The following BRCA2 variants were observed in gnomAD, a reference collection of about 807,000 sequenced individuals.
BRCA2 encodes breast cancer type 2 susceptibility protein.
BRCA2 carries 203 observed loss-of-function variants against 276.7 expected under a neutral mutation model. The observed-to-expected ratio is 0.73, with a 90% confidence interval of 0.65 to 0.82. The LOEUF (loss-of-function observed/expected upper bound fraction) is 0.82, where lower values mean the gene tolerates loss of function less well. BRCA2 is among the 40% of genes least tolerant of loss of function. The pLI is 0.00. For missense variants in BRCA2, 3,920 were observed against 3,915.0 expected, an observed-to-expected ratio of 1.00 and a Z score of -0.03; for synonymous variants, 1,289 against 1,338.4, an observed-to-expected ratio of 0.96 and a Z score of 0.81.
intron 16 of BRCA2, among the ~76,000 whole-genome samples, chr13:32,361,005 T>G (rs1163819545): frequency 3.3e-5 from 5 of 152,174 alleles, no homozygotes; most frequent in Non-Finnish European, 5.9e-5. Flanking sequence ...TTTTGGACAT[T>G]TGAAGCTTGA....
Position 32,336,671 on chromosome 13 carries a change from T to C in BRCA2, c.2316T>C (p.Thr772=), listed in dbSNP as rs1200751613. The change falls in exon 11 of 27, where the codon ACT becomes ACC. Residue 772 remains threonine, a synonymous_variant. Transcript: ENST00000380152. The stretch of plus-strand genomic sequence containing the variant: ...AAAATGCCAGCACTCTTATTTTAAC[T>C]CCTACTTCCAAGGATGTTCTGTCAA... ...DHENASTLIL[T]PTSKDVLSNL... is the part of the protein sequence containing the mutation. The C allele has an allele frequency of 3.7e-6, 6 of 1,613,960 alleles. No individual in the cohort carries two copies. The South Asian group carries it at 6.6e-5, about 18-fold the overall frequency.
rs397507331 is a variant in BRCA2 at position 32,338,758 on chromosome 13, CTGACA to C, written c.4405_4409del (p.Asp1469LysfsTer11). 4 of 1,607,686 alleles carry C rather than the reference CTGACA, an allele frequency of 2.5e-6. No individual in the cohort carries two copies. Among genetic ancestry groups the C allele is most frequent in the Non-Finnish European group, 3.4e-6 (4 of 1,176,250 alleles). On this transcript the variant is annotated frameshift_variant, in exon 11 of 27. Transcript: ENST00000380152. LOFTEE classifies it high-confidence loss of function. ...TTTTCCTTAAATTCTGAATTACATT[CTGACA>C]TAAGAAAGAACAAAATGGACATTCT... is the stretch of plus-strand genomic sequence containing the variant.
intron 3 of BRCA2, among the ~76,000 whole-genome samples, chr13:32,322,069 A>G (rs1275087542): frequency 6.6e-6 from 1 of 152,202 alleles, no homozygotes; most frequent in African/African-American, 2.4e-5. Context: ...CAAATTGTAT[A>G]ATGTCGTATA....
intron 1 of BRCA2, 24 bp from the exon 2 acceptor site, chr13:32,316,398 G>A (rs2138697483): frequency 7.1e-7 from 1 of 1,410,482 alleles, no homozygotes; most frequent in Non-Finnish European, 1.0e-6. Flanking sequence ...CTGTGTAAGT[G>A]CATTTTGGTC....
At position 32,336,318 on chromosome 13, in the gene BRCA2, C is replaced by T. The variant is rs1566225847; in HGVS notation, c.1963C>T (p.Pro655Ser). 6.2e-7 allele frequency: 1 copy of T among 1,601,856 alleles called. No homozygotes were observed. The highest frequency in any genetic ancestry group is 1.1e-5 in the South Asian group (1 of 88,874). The change falls in exon 11 of 27, where the codon CCA (proline) becomes TCA (serine). Residue 655 changes from proline (P) to serine (S), a missense_variant. This residue lies in a region of BRCA2 where 3,263 missense variants were observed against 3,156.9 expected (regional missense o/e 1.03). Transcript: ENST00000380152. ...CTGTTCACAGAATGATTCTGAAGAA[C>T]CAACTTTGTCCTTAACTAGCTCTTT... ...RSCSQNDSEE[P>S]TLSLTSSFGT...
At position 32,357,780 on chromosome 13, in the gene BRCA2, TAAC is replaced by T. The variant is rs773148109; in HGVS notation, c.7658_7660del (p.Asn2553del). 5 of 1,613,820 alleles carry T rather than the reference TAAC, an allele frequency of 3.1e-6. No homozygotes were observed. The highest frequency in any genetic ancestry group is 2.5e-6 in the Non-Finnish European group (3 of 1,179,792). ...GCGTTTCTAAACATTGCATAAAAAT[TAAC>T]AGCAAAAATGCAGAGTCTTTTCAGT... On this transcript the variant is annotated inframe_deletion, in exon 16 of 27. Coordinates refer to ENST00000380152, the MANE Select transcript of BRCA2 (RefSeq NM_000059.4).
intron 18 of BRCA2, among the ~76,000 whole-genome samples, chr13:32,367,864 A>G (rs2072795096): frequency 1.3e-5 from 2 of 152,052 alleles, no homozygotes; most frequent in Admixed American, 1.3e-4. Context: ...CTTCTCTTAT[A>G]TGATCTATAT....
intron 13 of BRCA2, among the ~76,000 whole-genome samples, chr13:32,352,825 C>G (rs1373958301): frequency 6.6e-6 from 1 of 152,114 alleles, no homozygotes; most frequent in Non-Finnish European, 1.5e-5. Flanking sequence ...CTTAACCTAG[C>G]AGAGGAGGTA....
intron 11 of BRCA2, among the ~76,000 whole-genome samples, chr13:32,342,270 CAAAAAA>C (rs58295304): frequency 7.5e-6 from 1 of 133,634 alleles, no homozygotes. Flanking sequence ...GAGACTGTCT[CAAAAAA>C]AAAAAAAAAA....
At chr13:32,384,784 A>G in intron 24 of BRCA2, 1 of 266,486 alleles carries the variant, frequency 3.8e-6, no homozygotes. Flanking sequence ...GTCTTGGACC[A>G]GATTGGGTTT....
At position 32,356,546 on chromosome 13, in the gene BRCA2, G is replaced by C. The variant is rs2137562961; in HGVS notation, c.7554G>C (p.Leu2518=). Residue 2518 remains leucine, a synonymous_variant, in exon 15 of 27, where the codon CTG becomes CTC. Coordinates refer to ENST00000380152, the MANE Select transcript of BRCA2 (RefSeq NM_000059.4). ...TGTATCTTGCAAAAACATCCACTCT[G>C]CCTCGAATCTCTCTGAAAGCAGCAG... ...GSLYLAKTST[L]PRISLKAAVG... The C allele has an allele frequency of 6.2e-7, 1 of 1,614,216 alleles. No homozygotes were observed. Among genetic ancestry groups the C allele is most frequent in the Non-Finnish European group, 8.5e-7 (1 of 1,180,028 alleles).
Position 32,398,094 on chromosome 13 carries a change from GTTAC to G in BRCA2, c.9649-65_9649-62del, listed in dbSNP as rs773636329. On this transcript the variant is annotated intron_variant, in intron 26 of 26. Coordinates refer to ENST00000380152, the MANE Select transcript of BRCA2 (RefSeq NM_000059.4). ...CGTGCTTAAATATTTTCAATGAAAA[GTTAC>G]TTTGATTTAGTTTTTTATGTTACTA... 490 of 1,507,060 alleles carry G rather than the reference GTTAC, an allele frequency of 3.3e-4. No individual in the cohort carries two copies. The highest frequency in any genetic ancestry group is 4.2e-4 in the Non-Finnish European group (467 of 1,107,990). The allele number at this position is 1,507,060 out of a possible 1,614,324, so 93.4% of individuals were successfully genotyped here. A position where few individuals can be genotyped will look rare whatever the true frequency, so the allele number is the denominator to read the frequency against.
In BRCA2 at chr13:32,337,424, C is replaced by A. The variant is rs759181823; in HGVS notation, c.3069C>A (p.Asn1023Lys). 29 of 1,612,896 alleles carry A rather than the reference C, an allele frequency of 1.8e-5. 1 individual carries two copies. In the South Asian group the frequency reaches 3.2e-4, roughly 18 times the overall value. ...AGGAAATCAAGCTCTCTGAACATAA[C>A]ATTAAGAAGAGCAAAATGTTCTTCA... ...SNKEIKLSEHNIKKSKMFFKD... is the reference protein window; with the variant it reads ...SNKEIKLSEHKIKKSKMFFKD... The change falls in exon 11 of 27, where the codon AAC becomes AAA. Residue 1023 changes from asparagine to lysine, a missense_variant. Around this residue, in one of 2 missense-constraint regions of BRCA2, gnomAD observed 3,263 missense variants for 3,156.9 expected, o/e 1.03. Coordinates refer to ENST00000380152, the MANE Select transcript of BRCA2 (RefSeq NM_000059.4).
Position 32,398,796 on chromosome 13 carries a change from AT to A in BRCA2, c.*28del. 6.2e-7 allele frequency: 1 copy of A among 1,611,404 alleles called. No individual in the cohort carries two copies. ...GCATTTGCAAAGGCGACAATAAATTATTGACGCTTAACCTTTCCAGTTTATA... is the reference window on the plus strand; with the variant it reads ...GCATTTGCAAAGGCGACAATAAATTATGACGCTTAACCTTTCCAGTTTATA... On this transcript the variant is annotated 3_prime_UTR_variant, in exon 27 of 27. Transcript: ENST00000380152.
chr13:32,369,760 G>A (rs1024898689), intron 18 of BRCA2, among the ~76,000 whole-genome samples: 4 of 152,142 alleles, frequency 2.6e-5, no homozygotes, highest in African/African-American at 9.7e-5. Context: ...TTTTAGTAGA[G>A]ACGGGGTTTC....
rs540826019 is a variant in BRCA2 at position 32,368,169 on chromosome 13, A to G, written c.8332-2233A>G. On this transcript the variant is annotated intron_variant, in intron 18 of 26. Transcript: ENST00000380152. ...TAAGTAGCTGGGATTATAGGCACCC[A>G]CCACCACACCTGGCTAATTTTTTTG... Among the ~76,000 whole-genome samples, 204 of 151,228 alleles carry G rather than the reference A, an allele frequency of 1.3e-3. 1 individual carries two copies. The highest frequency in any genetic ancestry group is 4.7e-3 in the African/African-American group (195 of 41,296).
At chr13:32,345,858 T>C (rs536936745) in intron 12 of BRCA2, among the ~76,000 whole-genome samples, 1 of 152,152 alleles carries the variant, frequency 6.6e-6, no homozygotes, top group South Asian at 2.1e-4. Flanking sequence ...TGGCCTCATG[T>C]TGGCACTCAA....
intron 24 of BRCA2, among the ~76,000 whole-genome samples, chr13:32,381,627 A>T (rs532980452): frequency 6.6e-6 from 1 of 152,330 alleles, no homozygotes; most frequent in South Asian, 2.1e-4. Context: ...GAGGCAGTGA[A>T]GAGCCAGGTC....
At chr13:32,395,077 C>A in intron 25 of BRCA2, 144 bp downstream of exon 25, 1 of 1,150,134 alleles carries the variant, frequency 8.7e-7, no homozygotes, top group Non-Finnish European at 1.2e-6. Context: ...TGCCCATGAA[C>A]CTCAGGAGAT....
Sources: gnomAD v4.1 joint callset for allele counts (sites outside exome capture counted in the v4.1 genomes callset) on GRCh38, gnomAD v4.1.1 for gene constraint, gnomAD v4.1.1 regional missense constraint, MANE v1.5 for transcripts, NCBI Gene and HGNC (gene_info 2026-07-23, HGNC 2026-07-21) for gene names.